SLC4A4: variants seen among roughly 807,000 people sequenced by gnomAD.
The protein encoded by SLC4A4 is electrogenic sodium bicarbonate cotransporter 1.
In SLC4A4, 27 loss-of-function variants were observed where a neutral mutation model predicts 111.5. The ratio of observed to expected loss-of-function variants is 0.24; its 90% CI spans 0.18 to 0.33. The LOEUF (loss-of-function observed/expected upper bound fraction) is 0.33. Among genes scored for constraint, SLC4A4 ranks in the 10% least tolerant of loss-of-function variants. The pLI, the probability that SLC4A4 is intolerant of heterozygous loss-of-function variation, is 1.00. For missense variants in SLC4A4, 909 were observed against 1,315.5 expected (o/e 0.69, Z 4.78); for synonymous variants, 443 against 463.4 (o/e 0.96, Z 0.57).
At chr4:71,193,925 C>T (rs1265683346) in intron 1 of SLC4A4, among the ~76,000 whole-genome samples, 2 of 152,096 alleles carry the variant, frequency 1.3e-5, no homozygotes, top group Non-Finnish European at 2.9e-5. Context: ...ACATTTTGAA[C>T]TTGTAAAGAT....
intron 18 of SLC4A4, among the ~76,000 whole-genome samples, chr4:71,540,436 G>A (rs1444767629): frequency 1.3e-5 from 2 of 152,060 alleles, no homozygotes; most frequent in Non-Finnish European, 2.9e-5. Flanking sequence ...TTCTCTCCTT[G>A]TACTTAAAAT....
intron 2 of SLC4A4, among the ~76,000 whole-genome samples, chr4:71,242,047 G>T (rs572862458): frequency 6.6e-6 from 1 of 152,144 alleles, no homozygotes; most frequent in Non-Finnish European, 1.5e-5. Flanking sequence ...TGATAGTTCC[G>T]TGTGTTTTTG....
At chr4:71,212,073 A>G (rs913628080) in intron 1 of SLC4A4, among the ~76,000 whole-genome samples, 8 of 152,224 alleles carry the variant, frequency 5.3e-5, no homozygotes, top group Non-Finnish European at 1.2e-4. Flanking sequence ...GCCATCTAAG[A>G]AAATCTAACC....
intron 7 of SLC4A4, among the ~76,000 whole-genome samples, chr4:71,417,761 CT>C (rs1000015661): frequency 1.4e-4 from 22 of 152,140 alleles, no homozygotes; most frequent in Admixed American, 5.2e-4. Flanking sequence ...TTAATTAACA[CT>C]GTTTTGCTGT....
intron 1 of SLC4A4, among the ~76,000 whole-genome samples, chr4:71,198,616 TG>T (rs11339924): frequency 0.99 from 150,578 of 152,254 alleles, 74,488 homozygotes; most frequent in East Asian, 1. Flanking sequence ...AAGCCTGTAA[TG>T]GTCATGAACA....
At chr4:71,161,431 C>T (rs931488240) in intron 2 of SLC4A4, among the ~76,000 whole-genome samples, 6 of 152,108 alleles carry the variant, frequency 3.9e-5, no homozygotes, top group East Asian at 3.9e-4. Flanking sequence ...CTCCAGTTGC[C>T]GTCCATTAGG....
At chr4:71,235,722 G>A (rs955938145) in intron 1 of SLC4A4, among the ~76,000 whole-genome samples, 4 of 152,208 alleles carry the variant, frequency 2.6e-5, no homozygotes, top group African/African-American at 9.7e-5. Context: ...TCATTCCTTG[G>A]ATGGATTCTG....
At chr4:71,123,884 A>T (rs1445464926) in intron 2 of SLC4A4, among the ~76,000 whole-genome samples, 1 of 152,222 alleles carries the variant, frequency 6.6e-6, no homozygotes, top group Non-Finnish European at 1.5e-5. Flanking sequence ...TAAAAGCATC[A>T]ATTGGGACAG....
intron 2 of SLC4A4, among the ~76,000 whole-genome samples, chr4:71,132,684 T>C (rs1743739060): frequency 6.6e-6 from 1 of 152,188 alleles, no homozygotes; most frequent in South Asian, 2.1e-4. Flanking sequence ...TGGTATTGCA[T>C]AGTAAGATGA....
chr4:71,169,836 A>G (rs1301637377), intron 2 of SLC4A4, among the ~76,000 whole-genome samples: 1 of 152,212 alleles, frequency 6.6e-6, no homozygotes, highest in Non-Finnish European at 1.5e-5. Context: ...ACCCTTGTTT[A>G]TAAATCTTCA....
chr4:71,123,409 A>T (rs1357491044), intron 2 of SLC4A4, among the ~76,000 whole-genome samples: 3 of 152,214 alleles, frequency 2.0e-5, no homozygotes, highest in Admixed American at 2.0e-4. Context: ...TCAAAGCAAC[A>T]TTGATTGTTG....
At chr4:71,245,377 A>G (rs565914125) in intron 2 of SLC4A4, among the ~76,000 whole-genome samples, 1 of 152,270 alleles carries the variant, frequency 6.6e-6, no homozygotes, top group Non-Finnish European at 1.5e-5. Context: ...CAAGAGGGCA[A>G]AGACAGAAGT....
chr4:71,218,183 T>C (rs1718544407), intron 1 of SLC4A4, among the ~76,000 whole-genome samples: 1 of 152,234 alleles, frequency 6.6e-6, no homozygotes, highest in South Asian at 2.1e-4. Flanking sequence ...TGTTTTACTT[T>C]GGTCTTCAGA....
chr4:71,367,012 A>G (rs551532132), intron 6 of SLC4A4, among the ~76,000 whole-genome samples: 1 of 152,186 alleles, frequency 6.6e-6, no homozygotes, highest in African/African-American at 2.4e-5. Flanking sequence ...TTCCATTTTC[A>G]TGCCTGTCTT....
At chr4:71,424,925 G>A (rs1412420619) in intron 7 of SLC4A4, among the ~76,000 whole-genome samples, 1 of 151,926 alleles carries the variant, frequency 6.6e-6, no homozygotes, top group African/African-American at 2.4e-5. Flanking sequence ...CACCAACATG[G>A]CACATGTATA....
At chr4:71,206,946 C>T (rs1454749549) in intron 1 of SLC4A4, among the ~76,000 whole-genome samples, 6 of 152,038 alleles carry the variant, frequency 3.9e-5, no homozygotes, top group Admixed American at 1.3e-4. Flanking sequence ...TCAGCTTGGA[C>T]GATCATATTA....
At chr4:71,379,995 A>G (rs1328212075) in intron 6 of SLC4A4, among the ~76,000 whole-genome samples, 1 of 152,162 alleles carries the variant, frequency 6.6e-6, no homozygotes, top group Non-Finnish European at 1.5e-5. Context: ...TGTTGACTAA[A>G]TGGACACTTA....
In SLC4A4 at chr4:71,569,861, C is replaced by T. The variant is rs889051954; in HGVS notation, c.*2110C>T. ...TATACAAATTAGTCAATAATGACCC[C>T]AATTTTTTCATTAAAATAATAGTGG... On this transcript the variant is annotated 3_prime_UTR_variant, in exon 26 of 26. Coordinates refer to ENST00000264485, the MANE Select transcript of SLC4A4 (RefSeq NM_001098484.3). The T allele has an allele frequency of 6.6e-6, 1 of 151,668 alleles. No homozygotes were observed. Among genetic ancestry groups the T allele is most frequent in the African/African-American group, 2.4e-5 (1 of 41,370 alleles). 9.4% of individuals were successfully genotyped at this position (151,668 alleles called of 1,614,324 possible).
chr4:71,272,450 C>T (rs994562771), intron 3 of SLC4A4, among the ~76,000 whole-genome samples: 1 of 152,154 alleles, frequency 6.6e-6, no homozygotes, highest in African/African-American at 2.4e-5. Context: ...GGGATTCAGA[C>T]ACAGATCTTC....
Sources: allele counts gnomAD v4.1 joint callset (sites outside exome capture counted in the v4.1 genomes callset), GRCh38; gene constraint gnomAD v4.1.1; transcripts MANE v1.5; gene names NCBI Gene and HGNC (gene_info 2026-07-23, HGNC 2026-07-21).